Variants in ZNF662 observed in about 807,000 individuals in gnomAD.
The protein encoded by ZNF662 is zinc finger protein 662.
A neutral mutation model predicts 12.4 loss-of-function variants in ZNF662; 14 were observed. That is an observed-to-expected ratio of 1.13 (90% confidence interval 0.75 to 1.77). The LOEUF is 1.77. Among genes scored for constraint, ZNF662 ranks in the 40% most tolerant of loss-of-function variants. The pLI, the probability that ZNF662 is intolerant of heterozygous loss-of-function variation, is 0.00. For missense variants in ZNF662, 550 were observed against 515.6 expected, an observed-to-expected ratio of 1.07 and a Z score of -0.65; for synonymous variants, 184 against 176.4, an observed-to-expected ratio of 1.04 and a Z score of -0.34.
intron 3 of ZNF662, among the ~76,000 whole-genome samples, chr3:42,912,693 A>ATTTATATATATATAAATATATATATTT (rs1559381580): frequency 1.9e-5 from 1 of 53,094 alleles, no homozygotes; most frequent in African/African-American, 7.4e-5. Flanking sequence ...ATATATATAT[A>ATTTATATATATATAAATATATATATTT]TTTTATATAT....
chr3:42,908,511 C>T, intron 2 of ZNF662: 2 of 1,265,748 alleles, frequency 1.6e-6, no homozygotes, highest in Non-Finnish European at 2.0e-6. Flanking sequence ...CTTGAGAGCT[C>T]TAAGAGGGAG....
rs529685668 is a variant in ZNF662 at position 42,915,900 on chromosome 3, C to A, written c.*546C>A. 1 of 152,698 alleles carries A rather than the reference C, an allele frequency of 6.5e-6. No homozygotes were observed. Among genetic ancestry groups the A allele is most frequent in the East Asian group, 1.9e-4 (1 of 5,166 alleles). The allele number at this position is 152,698 out of a possible 1,614,324, so 9.5% of individuals were successfully genotyped here. On this transcript the variant is annotated 3_prime_UTR_variant, in exon 5 of 5. Coordinates refer to ENST00000440367, the MANE Select transcript of ZNF662 (RefSeq NM_207404.4). ...TCTTCTACTTGTAATCAGTACCACC[C>A]AAGTTAGTATTTAATTATGTGCCAT...
rs1217000499 is a variant in ZNF662, at chr3:42,912,707, AAT to A, written c.152-481_152-480del. Among the ~76,000 whole-genome samples the A allele has an allele frequency of 2.3e-3, 144 of 61,462 alleles. 3 individuals carry two copies. The highest frequency in any genetic ancestry group is 5.6e-3 in the African/African-American group (74 of 13,306). 40.3% of individuals were successfully genotyped at this position (61,462 alleles called of 152,430 possible). ...AATATATATATATTTTATATATATA[AAT>A]ATATATATATATTTTTTATATATAT... On this transcript the variant is annotated intron_variant, in intron 3 of 4. Transcript: ENST00000440367.
intron 2 of ZNF662, chr3:42,908,373 C>G (rs1289972782): frequency 1.5e-6 from 2 of 1,340,836 alleles, no homozygotes; most frequent in East Asian, 5.4e-5. Context: ...TGCCAAACCC[C>G]TACCCTTGTG....
In ZNF662 at chr3:42,915,206, A is replaced by G. The variant is rs199992678; in HGVS notation, c.1133A>G (p.His378Arg). The change falls in exon 5 of 5, where the codon CAT becomes CGT. Residue 378 changes from histidine (H) to arginine (R), a missense_variant. By Grantham distance (29) the His-to-Arg change is conservative (BLOSUM62 0). Transcript: ENST00000440367. The part of the protein sequence containing the change: ...SFFCKAHLIR[H>R]QRIHTGERPY... ...TTTTGCAAGGCACATCTTATTCGAC[A>G]TCAAAGAATCCATACTGGGGAAAGA... 6.2e-7 allele frequency: 1 copy of G among 1,614,204 alleles called. No individual in the cohort carries two copies.
chr3:42,913,353 C>A, intron 4 of ZNF662, 51 bp downstream of exon 4: 1 of 1,451,580 alleles, frequency 6.9e-7, no homozygotes, highest in Non-Finnish European at 9.7e-7. Context: ...CTTTTCCTAT[C>A]TTTCTTTTAT....
chr3:42,912,693 A>ATTTATATATATATAAAATATATATATATT (rs1559381580), intron 3 of ZNF662, among the ~76,000 whole-genome samples: 2 of 53,100 alleles, frequency 3.8e-5, no homozygotes, highest in Non-Finnish European at 6.3e-5. Context: ...ATATATATAT[A>ATTTATATATATATAAAATATATATATATT]TTTTATATAT....
chr3:42,908,134 C>A lies in ZNF662; in HGVS notation c.20C>A (p.Ala7Asp). ...GATGTGATGCTGGAGAATTATGGGG[C>A]TGTGGCTTCCCTGGGTAAGGGTCTC... MLENYG[A>D]VASLAAFPFP... is the part of the protein sequence containing the mutation. Residue 7 changes from alanine (A) to aspartate (D), a missense_variant, in exon 2 of 5, where the codon GCT becomes GAT. Physicochemically the swap from Ala to Asp is moderately radical, Grantham distance 126 (BLOSUM62 -2). Coordinates refer to ENST00000440367, the MANE Select transcript of ZNF662 (RefSeq NM_207404.4). The A allele has an allele frequency of 6.2e-7, 1 of 1,613,558 alleles. No homozygotes were observed. Among genetic ancestry groups the A allele is most frequent in the Non-Finnish European group, 8.5e-7 (1 of 1,179,562 alleles).
chr3:42,915,197 T>C lies in ZNF662; in HGVS notation c.1124T>C (p.Leu375Pro). Reference sequence around the variant, plus strand: ...AAAAGCTTCTTTTGCAAGGCACATCTTATTCGACATCAAAGAATCCATACT... The same window carrying C: ...AAAAGCTTCTTTTGCAAGGCACATCCTATTCGACATCAAAGAATCCATACT... ...CGKSFFCKAH[L>P]IRHQRIHTGE... The change falls in exon 5 of 5, where the codon CTT becomes CCT. Residue 375 changes from leucine to proline, a missense_variant. Leu to Pro is a moderately conservative substitution (Grantham distance 98). Transcript: ENST00000440367. The C allele has an allele frequency of 6.2e-7, 1 of 1,614,154 alleles. No homozygotes were observed. The highest frequency in any genetic ancestry group is 1.1e-5 in the South Asian group (1 of 91,078).
rs1019624635 is a variant in ZNF662 at position 42,909,715 on chromosome 3, G to T, written c.151+806G>T. Among the ~76,000 whole-genome samples, 202 of 151,114 alleles carry T rather than the reference G, an allele frequency of 1.3e-3. 2 individuals carry two copies. The East Asian group carries it at 0.031, about 23-fold the overall frequency. On this transcript the variant is annotated intron_variant, in intron 3 of 4. Transcript: ENST00000440367. ...GGCTGCCCCCCACCTCCCGGAGGGGGCGGCTGGCCGGGCGGAGGAGCTCCT... is the reference window on the plus strand; with the variant it reads ...GGCTGCCCCCCACCTCCCGGAGGGGTCGGCTGGCCGGGCGGAGGAGCTCCT...
chr3:42,914,365 A>G lies in ZNF662; in HGVS notation c.292A>G (p.Lys98Glu), dbSNP rs750692313. The G allele has an allele frequency of 2.4e-5, 39 of 1,606,230 alleles. No individual in the cohort carries two copies. The Admixed American group carries it at 6.7e-4, about 28-fold the overall frequency. Residue 98 changes from lysine to glutamate, a missense_variant, in exon 5 of 5, where the codon AAG becomes GAG. Coordinates refer to ENST00000440367, the MANE Select transcript of ZNF662 (RefSeq NM_207404.4). ...LKRKKEDFILKEEIIEEAQDL... is the reference protein window; with the variant it reads ...LKRKKEDFILEEEIIEEAQDL... ...GAGGAAGAAAGAAGATTTTATTCTG[A>G]AGGAGGAAATTATTGAGGAAGCACA...
At position 42,906,302 on chromosome 3, in the gene ZNF662, C is replaced by A; in HGVS notation, c.-94+134C>A. ...AGCGCTCTTCCGCGACCCCAACAGC[C>A]TCTGGTCCGGTCTGGCGCGCCCTCG... is the stretch of plus-strand genomic sequence containing the variant. On this transcript the variant is annotated intron_variant, in intron 1 of 4. Coordinates refer to ENST00000440367, the MANE Select transcript of ZNF662 (RefSeq NM_207404.4). The surrounding 1 kb of genome is among the most constrained non-coding windows in gnomAD (Gnocchi z 4.4). 2.0e-6 allele frequency: 3 copies of A among 1,512,162 alleles called. No individual in the cohort carries two copies. The highest frequency in any genetic ancestry group is 2.7e-6 in the Non-Finnish European group (3 of 1,130,928). The allele number at this position is 1,512,162 out of a possible 1,614,324, so 93.7% of individuals were successfully genotyped here. A position where few individuals can be genotyped will look rare whatever the true frequency, so the allele number is the denominator to read the frequency against.
chr3:42,911,156 A>G (rs1037095731), intron 3 of ZNF662, among the ~76,000 whole-genome samples: 11 of 152,226 alleles, frequency 7.2e-5, no homozygotes, highest in Admixed American at 2.0e-4. Context: ...CTTAAGTCAT[A>G]TGCCAGCTCT....
Position 42,919,325 on chromosome 3 carries a change from T to C in ZNF662, c.*3971T>C, listed in dbSNP as rs1302390640. Among the ~76,000 whole-genome samples the C allele has an allele frequency of 6.6e-6, 1 of 152,246 alleles. No individual in the cohort carries two copies. Among genetic ancestry groups the C allele is most frequent in the African/African-American group, 2.4e-5 (1 of 41,458 alleles). On this transcript the variant is annotated 3_prime_UTR_variant, in exon 5 of 5. Transcript: ENST00000440367. Reference sequence around the variant, plus strand: ...ACTGAGTTGTTTGCAAAATAAACTTTAGTCTTGTATTTGGTCTGATTATTT... The same window carrying C: ...ACTGAGTTGTTTGCAAAATAAACTTCAGTCTTGTATTTGGTCTGATTATTT...
intron 3 of ZNF662, 106 bp downstream of exon 3, chr3:42,909,015 G>A: frequency 1.5e-6 from 1 of 677,158 alleles, no homozygotes; most frequent in Non-Finnish European, 2.3e-6. Flanking sequence ...ACACTAGTGG[G>A]ATTGCATTTC....
chr3:42,906,157 G>A lies in ZNF662; in HGVS notation c.-105G>A, dbSNP rs1575406256. 6 of 534,092 alleles carry A rather than the reference G, an allele frequency of 1.1e-5. No individual in the cohort carries two copies. In the East Asian group the frequency reaches 1.8e-4, roughly 16 times the overall value. The allele number at this position is 534,092 out of a possible 1,614,324, so 33.1% of individuals were successfully genotyped here. A position where few individuals can be genotyped will look rare whatever the true frequency, so the allele number is the denominator to read the frequency against. ...CCCGAGCCCCGGCCTCCCGGATGCT[G>A]GGGCCTGGCGGGTGTGGAGCACGGG... On this transcript the variant is annotated 5_prime_UTR_variant, in exon 1 of 5. Coordinates refer to ENST00000440367, the MANE Select transcript of ZNF662 (RefSeq NM_207404.4). The surrounding 1 kb of genome is among the most constrained non-coding windows in gnomAD (Gnocchi z 4.4).
In ZNF662 at chr3:42,918,740, C is replaced by G. The variant is rs1339359900; in HGVS notation, c.*3386C>G. On this transcript the variant is annotated 3_prime_UTR_variant, in exon 5 of 5. Transcript: ENST00000440367. ...AGTGAGATCTCCCTCAGAGGCCTATCTAAGGGTCCCTGGTAAAAGGTGGCC... is the reference window on the plus strand; with the variant it reads ...AGTGAGATCTCCCTCAGAGGCCTATGTAAGGGTCCCTGGTAAAAGGTGGCC... Among the ~76,000 whole-genome samples, 1 of 152,132 alleles carries G rather than the reference C, an allele frequency of 6.6e-6. No individual in the cohort carries two copies. The highest frequency in any genetic ancestry group is 2.1e-4 in the South Asian group (1 of 4,822).
In ZNF662 at chr3:42,914,798, A is replaced by G; in HGVS notation, c.725A>G (p.His242Arg). The change falls in exon 5 of 5, where the codon CAC (histidine) becomes CGC (arginine). Residue 242 changes from histidine (H) to arginine (R), a missense_variant. By Grantham distance (29) the His-to-Arg change is conservative. Coordinates refer to ENST00000440367, the MANE Select transcript of ZNF662 (RefSeq NM_207404.4). ...RSHCIAHQRI[H>R]SGVKPYECQE... is the part of the protein sequence containing the mutation. ...CATTGCATTGCACATCAGAGAATTC[A>G]CAGTGGGGTGAAACCCTATGAATGT... The G allele has an allele frequency of 6.2e-7, 1 of 1,614,134 alleles. No homozygotes were observed.
At position 42,908,795 on chromosome 3, in the gene ZNF662, G is replaced by A. The variant is rs1253466793; in HGVS notation, c.37G>A (p.Ala13Thr). The A allele has an allele frequency of 6.2e-7, 1 of 1,613,832 alleles. No individual in the cohort carries two copies. The change falls in exon 3 of 5, where the codon GCA becomes ACA. Residue 13 changes from alanine to threonine, a missense_variant and splice_region_variant. Physicochemically the swap from Ala to Thr is moderately conservative, Grantham distance 58. Coordinates refer to ENST00000440367, the MANE Select transcript of ZNF662 (RefSeq NM_207404.4). ...ENYGAVASLA[A>T]FPFPKPALIS... ...TGTCCCATTTCTTTCCTTTTAAGCA[G>A]CATTTCCATTTCCCAAACCGGCTCT...
Sources: gnomAD v4.1 joint callset for allele counts (sites outside exome capture counted in the v4.1 genomes callset) on GRCh38, gnomAD v4.1.1 for gene constraint, Gnocchi (gnomAD v3.1) non-coding constraint, MANE v1.5 for transcripts, NCBI Gene and HGNC (gene_info 2026-07-23, HGNC 2026-07-21) for gene names.